Variants in SMYD3 observed in about 807,000 individuals in gnomAD.
SMYD3 encodes SET and MYND domain containing 3.
A neutral mutation model predicts 57.7 loss-of-function variants in SMYD3; 36 were observed. That is an observed-to-expected ratio of 0.62 (90% confidence interval 0.48 to 0.82). The LOEUF (loss-of-function observed/expected upper bound fraction) is 0.82. Ranked by LOEUF, SMYD3 falls within the 40% of genes least tolerant of loss-of-function variation. The pLI is 0.00. For missense variants in SMYD3, 515 were observed against 538.8 expected, an observed-to-expected ratio of 0.96 and a Z score of 0.44; for synonymous variants, 211 against 195.0, an observed-to-expected ratio of 1.08 and a Z score of -0.68.
At chr1:245,815,928 TC>T (rs1197119028) in intron 10 of SMYD3, among the ~76,000 whole-genome samples, 1 of 152,128 alleles carries the variant, frequency 6.6e-6, no homozygotes, top group African/African-American at 2.4e-5. Flanking sequence ...TCATCAAAGC[TC>T]CACTCCAAGT....
intron 1 of SMYD3, among the ~76,000 whole-genome samples, chr1:246,404,523 A>G (rs1312521360): frequency 6.6e-6 from 1 of 152,230 alleles, no homozygotes. Context: ...TATTATGTCT[A>G]TATCTGCTTG....
intron 10 of SMYD3, among the ~76,000 whole-genome samples, chr1:245,784,902 T>A (rs917720889): frequency 7.1e-6 from 1 of 140,790 alleles, no homozygotes; most frequent in African/African-American, 2.7e-5. Context: ...CAGGCTGGAG[T>A]GTAGTGGCAC....
chr1:246,381,849 C>T (rs533495215), intron 1 of SMYD3, among the ~76,000 whole-genome samples: 1 of 152,262 alleles, frequency 6.6e-6, no homozygotes, highest in African/African-American at 2.4e-5. Flanking sequence ...CCGCAGGCTC[C>T]AGGCCAGCTC....
chr1:245,946,555 C>T (rs1385546294), intron 5 of SMYD3, among the ~76,000 whole-genome samples: 1 of 152,198 alleles, frequency 6.6e-6, no homozygotes, highest in Non-Finnish European at 1.5e-5. Flanking sequence ...TCAACAGACG[C>T]TTCTGAGGCT....
chr1:246,008,141 T>C (rs1346754077), intron 5 of SMYD3, among the ~76,000 whole-genome samples: 2 of 152,208 alleles, frequency 1.3e-5, no homozygotes. Flanking sequence ...TTCATTTCTC[T>C]CAGCCTTTCC....
At chr1:246,287,933 G>A (rs1197195616) in intron 5 of SMYD3, among the ~76,000 whole-genome samples, 2 of 152,138 alleles carry the variant, frequency 1.3e-5, no homozygotes, top group African/African-American at 4.8e-5. Context: ...GAGCACAGCT[G>A]CAGGGTAGAA....
chr1:246,332,814 T>C (rs1034555266), intron 3 of SMYD3, among the ~76,000 whole-genome samples: 5 of 152,114 alleles, frequency 3.3e-5, no homozygotes, highest in African/African-American at 1.2e-4. Flanking sequence ...TCTCAAAACA[T>C]ACATACATAC....
intron 10 of SMYD3, among the ~76,000 whole-genome samples, chr1:245,830,483 G>A (rs2049771559): frequency 6.6e-6 from 1 of 152,110 alleles, no homozygotes; most frequent in Admixed American, 6.5e-5. Context: ...TGACATGTGG[G>A]GATTATTATA....
chr1:246,424,091 A>G (rs1313229908), intron 1 of SMYD3, among the ~76,000 whole-genome samples: 1 of 152,232 alleles, frequency 6.6e-6, no homozygotes, highest in African/African-American at 2.4e-5. Flanking sequence ...CCAGCTGGAA[A>G]CAGATGAATA....
At chr1:246,076,418 G>A (rs1357513168) in intron 5 of SMYD3, among the ~76,000 whole-genome samples, 1 of 152,072 alleles carries the variant, frequency 6.6e-6, no homozygotes, top group Admixed American at 6.6e-5. Context: ...GCTGAGTTAG[G>A]TTTCAGTGTG....
intron 5 of SMYD3, among the ~76,000 whole-genome samples, chr1:245,971,615 C>T (rs2058306230): frequency 6.6e-6 from 1 of 152,176 alleles, no homozygotes; most frequent in African/African-American, 2.4e-5. Context: ...TCTGAAACAT[C>T]CCCACTAACG....
At position 245,987,030 on chromosome 1, in the gene SMYD3, G is replaced by A. The variant is rs564558534; in HGVS notation, c.532-57093C>T. Among the ~76,000 whole-genome samples, 8 of 152,250 alleles carry A rather than the reference G, an allele frequency of 5.3e-5. No individual in the cohort carries two copies. In the East Asian group the frequency reaches 7.7e-4, roughly 15 times the overall value. On this transcript the variant is annotated intron_variant, in intron 5 of 11. Coordinates refer to ENST00000490107, the MANE Select transcript of SMYD3 (RefSeq NM_001167740.2). ...TCCTTTTAAATGAGTCACCACTTGC[G>A]GATGAATAGGAAAACGCTGACAGAT...
At chr1:245,935,451 G>A (rs1483345268) in intron 5 of SMYD3, among the ~76,000 whole-genome samples, 3 of 152,190 alleles carry the variant, frequency 2.0e-5, no homozygotes, top group African/African-American at 4.8e-5. Context: ...CACTGGTGGA[G>A]TCTACATTAG....
intron 1 of SMYD3, among the ~76,000 whole-genome samples, chr1:246,412,223 A>C (rs375143686): frequency 6.6e-6 from 1 of 152,316 alleles, no homozygotes; most frequent in East Asian, 1.9e-4. Context: ...GCCCTCTCCC[A>C]GCCTGAATGG....
chr1:246,271,475 T>A (rs1384846892), intron 5 of SMYD3, among the ~76,000 whole-genome samples: 1 of 152,214 alleles, frequency 6.6e-6, no homozygotes, highest in Non-Finnish European at 1.5e-5. Context: ...GATTTTTGTA[T>A]ACAAACTTAG....
rs187503475 is a variant in SMYD3, at chr1:245,752,534, C to T, written c.1186-2870G>A. On this transcript the variant is annotated intron_variant, in intron 11 of 11. Transcript: ENST00000490107. Reference sequence around the variant, plus strand: ...TCACTGGCATGCTTTGAACATACTACAGGCTCCAGGCTTCCTTCCTCGCTC... The same window carrying T: ...TCACTGGCATGCTTTGAACATACTATAGGCTCCAGGCTTCCTTCCTCGCTC... Among the ~76,000 whole-genome samples, 380 of 152,352 alleles carry T rather than the reference C, an allele frequency of 2.5e-3. 2 individuals are homozygous for T. Among genetic ancestry groups the T allele is most frequent in the African/African-American group, 8.6e-3 (357 of 41,598 alleles).
intron 1 of SMYD3, among the ~76,000 whole-genome samples, chr1:246,369,966 T>A (rs1394526068): frequency 2.0e-5 from 3 of 152,208 alleles, no homozygotes; most frequent in African/African-American, 7.2e-5. Context: ...GCACCATACC[T>A]TCCTAGGAGA....
intron 5 of SMYD3, among the ~76,000 whole-genome samples, chr1:245,990,570 C>T (rs939941661): frequency 3.9e-5 from 6 of 152,246 alleles, no homozygotes; most frequent in Non-Finnish European, 8.8e-5. Context: ...CATACTCCAA[C>T]ACCTGATTAC....
At chr1:246,169,197 G>C (rs1041368311) in intron 5 of SMYD3, among the ~76,000 whole-genome samples, 2 of 152,014 alleles carry the variant, frequency 1.3e-5, no homozygotes, top group African/African-American at 4.8e-5. Context: ...GTCTGCAAAA[G>C]ACAGATGCCA....
Sources: gnomAD v4.1 joint callset for allele counts (sites outside exome capture counted in the v4.1 genomes callset) on GRCh38, gnomAD v4.1.1 for gene constraint, MANE v1.5 for transcripts, NCBI Gene and HGNC (gene_info 2026-07-23, HGNC 2026-07-21) for gene names.